The following UST variants were observed in gnomAD, a reference collection of about 807,000 sequenced individuals.
The protein encoded by UST is chondroitin sulfate 2-O-sulfotransferase.
A neutral mutation model predicts 45.6 loss-of-function variants in UST; 21 were observed. That is an observed-to-expected ratio of 0.46 (90% confidence interval 0.33 to 0.66). The LOEUF is 0.66. Ranked by LOEUF, UST falls within the 30% of genes least tolerant of loss-of-function variation. The pLI is 0.02. For missense variants in UST, 463 were observed against 512.4 expected (o/e 0.90, Z 0.93); for synonymous variants, 215 against 200.6 (o/e 1.07, Z -0.61).
chr6:148,923,489 T>TA (rs1779754507), intron 2 of UST, among the ~76,000 whole-genome samples: 1 of 152,248 alleles, frequency 6.6e-6, no homozygotes, highest in Non-Finnish European at 1.5e-5. Context: ...TATAAAGTGG[T>TA]ATCTCATTGT....
At chr6:148,990,438 A>G (rs1285188208) in intron 5 of UST, 14 of 984,764 alleles carry the variant, frequency 1.4e-5, no homozygotes, top group Non-Finnish European at 1.7e-5. Flanking sequence ...AGGTAACTAG[A>G]TGGTATTTTT....
At chr6:148,824,200 G>A (rs1777524155) in intron 1 of UST, among the ~76,000 whole-genome samples, 1 of 152,204 alleles carries the variant, frequency 6.6e-6, no homozygotes, top group Non-Finnish European at 1.5e-5. Flanking sequence ...AAGTTATGTT[G>A]AAGAAGCATG....
At chr6:149,033,186 G>A (rs890718046) in intron 7 of UST, among the ~76,000 whole-genome samples, 2 of 152,220 alleles carry the variant, frequency 1.3e-5, no homozygotes, top group Non-Finnish European at 2.9e-5. Context: ...TTAATGTGGT[G>A]ATGTGGAAAG....
chr6:148,750,093 T>C lies in UST; in HGVS notation c.247+2416T>C, dbSNP rs546592918. On this transcript the variant is annotated intron_variant, in intron 1 of 7. Transcript: ENST00000367463. ...ACTTGTGGTTAGTAAACACATCCTC[T>C]CAATTTCCTCAGCCAATTTTGGCAG... 7.6e-4 allele frequency among the ~76,000 whole-genome samples: 116 copies of C among 152,336 alleles called. 4 individuals carry two copies. In the South Asian group the frequency reaches 9.1e-3, roughly 12 times the overall value.
At chr6:148,789,844 C>T (rs556295002) in intron 1 of UST, among the ~76,000 whole-genome samples, 17 of 152,166 alleles carry the variant, frequency 1.1e-4, no homozygotes, top group South Asian at 4.2e-4. Flanking sequence ...AAGATCCACC[C>T]GTCTCAGTTT....
At chr6:148,907,987 C>A (rs908408284) in intron 2 of UST, among the ~76,000 whole-genome samples, 1 of 145,188 alleles carries the variant, frequency 6.9e-6, no homozygotes, top group African/African-American at 2.5e-5. Flanking sequence ...TGGCTCACTG[C>A]AACCTCCGTC....
intron 1 of UST, among the ~76,000 whole-genome samples, chr6:148,806,708 G>A (rs1263219206): frequency 3.9e-5 from 6 of 152,172 alleles, no homozygotes; most frequent in African/African-American, 1.4e-4. Context: ...TGACTCACTG[G>A]TCTGGAGGCT....
At chr6:148,800,654 CA>C (rs558265287) in intron 1 of UST, among the ~76,000 whole-genome samples, 97 of 147,594 alleles carry the variant, frequency 6.6e-4, no homozygotes, top group Middle Eastern at 6.8e-3. Context: ...GAGGGATTGC[CA>C]AAAAAAAAGG....
At chr6:148,848,619 C>T (rs973712381) in intron 1 of UST, among the ~76,000 whole-genome samples, 1 of 149,068 alleles carries the variant, frequency 6.7e-6, no homozygotes, top group African/African-American at 2.5e-5. Context: ...TGCAGTGAGC[C>T]GAGATCGCAC....
At chr6:148,998,903 C>G (rs953738779) in intron 5 of UST, among the ~76,000 whole-genome samples, 9 of 152,222 alleles carry the variant, frequency 5.9e-5, no homozygotes, top group Non-Finnish European at 4.4e-5. Flanking sequence ...GCAGCACTTG[C>G]AGCACTCACA....
chr6:148,783,497 T>C (rs993195053), intron 1 of UST, among the ~76,000 whole-genome samples: 1 of 152,230 alleles, frequency 6.6e-6, no homozygotes, highest in Non-Finnish European at 1.5e-5. Context: ...CATGTACACC[T>C]TTCCCCTGAA....
At chr6:148,792,664 G>T (rs1027944417) in intron 1 of UST, among the ~76,000 whole-genome samples, 4 of 152,178 alleles carry the variant, frequency 2.6e-5, no homozygotes, top group African/African-American at 9.6e-5. Flanking sequence ...AAATGTTATA[G>T]TTTAACTTTA....
intron 2 of UST, among the ~76,000 whole-genome samples, chr6:148,914,394 T>TC (rs1779541850): frequency 2.0e-5 from 2 of 100,074 alleles, no homozygotes; most frequent in Admixed American, 1.2e-4. Context: ...TTTCCATAGA[T>TC]TGGGGGGTGG....
intron 1 of UST, among the ~76,000 whole-genome samples, chr6:148,758,987 G>T (rs548225080): frequency 6.6e-6 from 1 of 152,226 alleles, no homozygotes; most frequent in Non-Finnish European, 1.5e-5. Flanking sequence ...CGGCTGGATG[G>T]AGGGGGCACT....
At chr6:148,795,104 C>T (rs1054296723) in intron 1 of UST, among the ~76,000 whole-genome samples, 8 of 152,198 alleles carry the variant, frequency 5.3e-5, no homozygotes, top group African/African-American at 1.9e-4. Context: ...GCAAAGAAGC[C>T]TTTCTGTAAT....
chr6:149,047,308 C>T (rs1776409739), intron 7 of UST, among the ~76,000 whole-genome samples: 1 of 152,130 alleles, frequency 6.6e-6, no homozygotes, highest in East Asian at 1.9e-4. Context: ...GTCAAAATAA[C>T]ATTGAGTTTT....
At chr6:148,891,846 A>C (rs1188505737) in intron 2 of UST, among the ~76,000 whole-genome samples, 1 of 152,248 alleles carries the variant, frequency 6.6e-6, no homozygotes, top group East Asian at 1.9e-4. Context: ...CAATGCAGTG[A>C]ACCTTTTCAC....
At chr6:148,797,287 C>T (rs941168867) in intron 1 of UST, among the ~76,000 whole-genome samples, 2 of 151,974 alleles carry the variant, frequency 1.3e-5, no homozygotes, top group African/African-American at 4.8e-5. Flanking sequence ...TAAAAATGAA[C>T]GAACAAAAAC....
chr6:148,910,025 G>A (rs1003197873), intron 2 of UST, among the ~76,000 whole-genome samples: 2 of 151,040 alleles, frequency 1.3e-5, no homozygotes, highest in African/African-American at 4.9e-5. Context: ...TGATTTGGAA[G>A]TTTGCTTCTT....
Sources: allele counts gnomAD v4.1 joint callset (sites outside exome capture counted in the v4.1 genomes callset), GRCh38; gene constraint gnomAD v4.1.1; transcripts MANE v1.5; gene names NCBI Gene and HGNC (gene_info 2026-07-23, HGNC 2026-07-21).